CEP128: variants seen among roughly 807,000 people sequenced by gnomAD.
The protein encoded by CEP128 is centrosomal protein 128kDa.
A neutral mutation model predicts 156.7 loss-of-function variants in CEP128; 132 were observed. The observed-to-expected ratio is 0.84, with a 90% CI of 0.73 to 0.97. The LOEUF (loss-of-function observed/expected upper bound fraction) is 0.97. Ranked by LOEUF, CEP128 falls within the 50% of genes least tolerant of loss-of-function variation. The pLI is 0.00. For synonymous variants in CEP128, 469 were observed against 448.9 expected, an observed-to-expected ratio of 1.04 and a Z score of -0.57; for missense variants, 1,252 against 1,281.9, an observed-to-expected ratio of 0.98 and a Z score of 0.36.
At chr14:80,483,070 G>C (rs1255092552) in intron 14 of CEP128, among the ~76,000 whole-genome samples, 1 of 152,170 alleles carries the variant, frequency 6.6e-6, no homozygotes, top group African/African-American at 2.4e-5. Context: ...ACAACTTACT[G>C]AGGATGACAT....
chr14:80,819,717 A>G (rs1305889458), intron 13 of CEP128, among the ~76,000 whole-genome samples: 3 of 152,210 alleles, frequency 2.0e-5, no homozygotes, highest in Non-Finnish European at 4.4e-5. Flanking sequence ...ATCCATGCCG[A>G]AAGGGCCTGG....
chr14:80,675,132 C>A (rs893467153), intron 19 of CEP128, among the ~76,000 whole-genome samples: 25 of 152,158 alleles, frequency 1.6e-4, no homozygotes, highest in African/African-American at 6.0e-4. Context: ...TTCTTGATTT[C>A]TCTTTTACAG....
intron 21 of CEP128, among the ~76,000 whole-genome samples, chr14:80,554,651 A>T (rs1025558317): frequency 6.6e-6 from 1 of 152,094 alleles, no homozygotes; most frequent in Admixed American, 6.6e-5. Flanking sequence ...AATTATTCAG[A>T]ACACTTTGTT....
At chr14:80,787,033 T>A (rs572300841) in intron 14 of CEP128, among the ~76,000 whole-genome samples, 2 of 152,186 alleles carry the variant, frequency 1.3e-5, no homozygotes, top group African/African-American at 4.8e-5. Flanking sequence ...AGGAGAAATA[T>A]AGATGAGCCT....
chr14:80,713,913 G>C (rs1897506023), intron 19 of CEP128, among the ~76,000 whole-genome samples: 2 of 152,094 alleles, frequency 1.3e-5, no homozygotes, highest in Non-Finnish European at 2.9e-5. Flanking sequence ...CTATGTAAAA[G>C]CAACTGGAGC....
intron 16 of CEP128, among the ~76,000 whole-genome samples, chr14:80,772,380 T>C (rs1452716146): frequency 1.3e-5 from 2 of 152,130 alleles, no homozygotes; most frequent in Non-Finnish European, 2.9e-5. Context: ...GATCAGCTGC[T>C]GGATGGCCAA....
chr14:80,612,951 C>G, intron 19 of CEP128, among the ~76,000 whole-genome samples: 1 of 151,942 alleles, frequency 6.6e-6, no homozygotes, highest in African/African-American at 2.4e-5. Flanking sequence ...AGCAATTCTC[C>G]TGCCTCAGCC....
In CEP128 at chr14:80,761,603, A is replaced by G; in HGVS notation, c.2387T>C (p.Ile796Thr). Reference sequence around the variant, plus strand: ...CCTTAAGTGCTCCTCTTCAATGCTTATATGTTTTTCCTAAGGCATTGAAAG... The same window carrying G: ...CCTTAAGTGCTCCTCTTCAATGCTTGTATGTTTTTCCTAAGGCATTGAAAG... The part of the protein sequence containing the change: ...KDQLEEREKH[I>T]SIEEEHLRRM... Residue 796 changes from isoleucine (I) to threonine (T), a missense_variant, in exon 17 of 25, where the codon ATA becomes ACA. Physicochemically the swap from Ile to Thr is moderately conservative, Grantham distance 89. Coordinates refer to ENST00000555265, the MANE Select transcript of CEP128 (RefSeq NM_152446.5). 1 of 1,591,798 alleles carries G rather than the reference A, an allele frequency of 6.3e-7. No homozygotes were observed. Among genetic ancestry groups the G allele is most frequent in the Non-Finnish European group, 8.6e-7 (1 of 1,167,578 alleles).
chr14:80,676,307 G>A (rs187158014), intron 19 of CEP128, among the ~76,000 whole-genome samples: 9 of 152,058 alleles, frequency 5.9e-5, no homozygotes, highest in Non-Finnish European at 1.3e-4. Flanking sequence ...ACTTTATCAT[G>A]TTTTCCTTTC....
At chr14:80,722,821 C>CTT (rs142796338) in intron 19 of CEP128, among the ~76,000 whole-genome samples, 74 of 103,930 alleles carry the variant, frequency 7.1e-4, no homozygotes, top group Admixed American at 1.0e-3. Context: ...TACTCTTTAT[C>CTT]TTTTTTTTTT....
At chr14:80,789,756 C>T (rs571431096) in intron 14 of CEP128, among the ~76,000 whole-genome samples, 12 of 150,146 alleles carry the variant, frequency 8.0e-5, no homozygotes, top group Non-Finnish European at 1.8e-4. Context: ...ATGGCAATTA[C>T]AGAAACAGAA....
At chr14:80,745,703 G>A (rs1347855752) in intron 18 of CEP128, among the ~76,000 whole-genome samples, 1 of 151,782 alleles carries the variant, frequency 6.6e-6, no homozygotes, top group African/African-American at 2.4e-5. Context: ...AGCAAGAAAA[G>A]GATAACAGCT....
At chr14:80,941,987 G>A (rs1390918209), upstream of CEP128, among the ~76,000 whole-genome samples, 1 of 151,876 alleles carries the variant, frequency 6.6e-6, no homozygotes, top group East Asian at 1.9e-4. Flanking sequence ...CTCCTTTGTA[G>A]GAGGCAAACT....
At chr14:80,924,515 C>G (rs1436264289) in intron 2 of CEP128, among the ~76,000 whole-genome samples, 1 of 152,074 alleles carries the variant, frequency 6.6e-6, no homozygotes, top group Non-Finnish European at 1.5e-5. Context: ...AAACGGTGAG[C>G]TAAGTAATAC....
chr14:80,551,852 C>T (rs1418674777), intron 21 of CEP128, among the ~76,000 whole-genome samples: 1 of 152,076 alleles, frequency 6.6e-6, no homozygotes, highest in Non-Finnish European at 1.5e-5. Context: ...TTGTTCTTAA[C>T]AAAAATATAT....
At chr14:80,946,830 C>T (rs367816684) in intron 2 of CEP128, among the ~76,000 whole-genome samples, 16 of 152,168 alleles carry the variant, frequency 1.1e-4, no homozygotes, top group South Asian at 2.1e-4. Context: ...CCAAATGTCA[C>T]GTGGAATTGC....
At chr14:80,523,007 TC>T (rs1888812496) in intron 23 of CEP128, among the ~76,000 whole-genome samples, 1 of 152,334 alleles carries the variant, frequency 6.6e-6, no homozygotes, top group Non-Finnish European at 1.5e-5. Context: ...AGAAAGCTGA[TC>T]CTTTTTGTCC....
chr14:80,580,378 A>G lies in CEP128; in HGVS notation c.2852T>C (p.Leu951Pro). The G allele has an allele frequency of 6.3e-7, 1 of 1,595,354 alleles. No homozygotes were observed. Among genetic ancestry groups the G allele is most frequent in the Non-Finnish European group, 8.6e-7 (1 of 1,164,884 alleles). The part of the protein sequence containing the change: ...TQRKDEEMGS[L>P]QDRVIALETS... ...TTGCCCTATTTAAGAATTTACCTGC[A>G]GAGATCCCATTTCTTCATCTTTTCT... is the stretch of plus-strand genomic sequence containing the variant. Residue 951 changes from leucine (L) to proline (P), a missense_variant, in exon 20 of 25, where the codon CTG (leucine) becomes CCG (proline). Coordinates refer to ENST00000555265, the MANE Select transcript of CEP128 (RefSeq NM_152446.5).
At chr14:80,626,179 A>G (rs1365451581) in intron 19 of CEP128, among the ~76,000 whole-genome samples, 1 of 152,190 alleles carries the variant, frequency 6.6e-6, no homozygotes, top group Non-Finnish European at 1.5e-5. Context: ...TAAGAGTGAG[A>G]CAGGGCCGGG....
Sources: gnomAD v4.1 joint callset for allele counts (sites outside exome capture counted in the v4.1 genomes callset) on GRCh38, gnomAD v4.1.1 for gene constraint, MANE v1.5 for transcripts, NCBI Gene and HGNC (gene_info 2026-07-23, HGNC 2026-07-21) for gene names.